The following CYP26B1 variants were observed in gnomAD, a reference collection of about 807,000 sequenced individuals.
CYP26B1 encodes the protein cytochrome P450 family 26 subfamily B member 1.
Under a neutral mutation model 39.1 loss-of-function variants are expected in CYP26B1, and 8 were observed. The observed-to-expected ratio is 0.20, with a 90% confidence interval of 0.12 to 0.37. CYP26B1 has a LOEUF of 0.37. CYP26B1 is among the 10% of genes least tolerant of loss of function. CYP26B1 has a pLI of 1.00. For synonymous variants in CYP26B1, 321 were observed against 314.3 expected, an observed-to-expected ratio of 1.02 and a Z score of -0.23; for missense variants, 615 against 707.0, an observed-to-expected ratio of 0.87 and a Z score of 1.48.
At chr2:72,133,452 T>A in intron 4 of CYP26B1, 145 bp from the exon 5 acceptor site, 1 of 1,101,084 alleles carries the variant, frequency 9.1e-7, no homozygotes, top group Non-Finnish European at 1.3e-6. Context: ...CCTCTGAGCT[T>A]CATGTTGCCG....
intron 1 of CYP26B1, 120 bp from the exon 2 acceptor site, chr2:72,144,333 T>C: frequency 6.8e-7 from 1 of 1,481,480 alleles, no homozygotes; most frequent in Non-Finnish European, 8.9e-7. Flanking sequence ...CCAAACACAC[T>C]CACACAGACG....
chr2:72,138,751 G>A (rs1676850923), intron 2 of CYP26B1, among the ~76,000 whole-genome samples: 1 of 152,094 alleles, frequency 6.6e-6, no homozygotes, highest in African/African-American at 2.4e-5. Flanking sequence ...AGGCAGGAGG[G>A]AGGAGGGCAC....
At chr2:72,143,941 C>A in intron 2 of CYP26B1, 48 bp downstream of exon 2, 1 of 1,606,870 alleles carries the variant, frequency 6.2e-7, no homozygotes, top group South Asian at 1.1e-5. Context: ...ACTCCTTGCC[C>A]CGAGGTGGGG....
chr2:72,131,223 T>C lies in CYP26B1; in HGVS notation c.*1004A>G, dbSNP rs1366563703. The C allele has an allele frequency of 6.6e-6, 1 of 152,408 alleles. No individual in the cohort carries two copies. Among genetic ancestry groups the C allele is most frequent in the African/African-American group, 2.4e-5 (1 of 41,408 alleles). The allele number at this position is 152,408 out of a possible 1,614,324, so 9.4% of individuals were successfully genotyped here. On this transcript the variant is annotated 3_prime_UTR_variant, in exon 6 of 6. Coordinates refer to ENST00000001146, the MANE Select transcript of CYP26B1 (RefSeq NM_019885.4). ...GGCCACATTCCATCTCCACCAGGGA[T>C]AAGGCAGAGGCACCGGACTTCAGTC...
rs769819021 is a variant in CYP26B1 at position 72,144,013 on chromosome 2, G to A, written c.405C>T (p.Gly135=). ...CCTTGCGCTTGTTGCGGTGGATGTCGCCAATGGAATTGGACACCGTGTTGG... is the reference window on the plus strand; with the variant it reads ...CCTTGCGCTTGTTGCGGTGGATGTCACCAATGGAATTGGACACCGTGTTGG... ...LGPNTVSNSI[G]DIHRNKRKVF... is the part of the protein sequence containing the mutation. Residue 135 remains glycine, a synonymous_variant, in exon 2 of 6, where the codon GGC becomes GGT. Transcript: ENST00000001146. 4 of 1,613,658 alleles carry A rather than the reference G, an allele frequency of 2.5e-6. No homozygotes were observed.
In CYP26B1 at chr2:72,144,313, CCT is replaced by C. The variant is rs747028874; in HGVS notation, c.205-102_205-101del. 2.0e-6 allele frequency: 3 copies of C among 1,514,444 alleles called. No homozygotes were observed. In the Admixed American group the frequency reaches 6.3e-5, roughly 32 times the overall value. 93.8% of individuals were successfully genotyped at this position (1,514,444 alleles called of 1,614,324 possible). A position where few individuals can be genotyped will look rare whatever the true frequency, so the allele number is the denominator to read the frequency against. Reference sequence around the variant, plus strand: ...CAACCCGGGGTACAGTCACCTGCCCCCTCTCCCCACCAAACACACTCACACAG... The same window carrying C: ...CAACCCGGGGTACAGTCACCTGCCCCCTCCCCACCAAACACACTCACACAG... On this transcript the variant is annotated intron_variant, in intron 1 of 5. Transcript: ENST00000001146.
intron 1 of CYP26B1, among the ~76,000 whole-genome samples, chr2:72,146,733 G>T (rs1426165426): frequency 6.6e-6 from 1 of 152,154 alleles, no homozygotes; most frequent in Non-Finnish European, 1.5e-5. Flanking sequence ...CTGCAGAGGC[G>T]CTCCGCTCCC....
intron 1 of CYP26B1, among the ~76,000 whole-genome samples, chr2:72,146,165 G>T (rs1039898406): frequency 6.6e-6 from 1 of 152,198 alleles, no homozygotes; most frequent in East Asian, 1.9e-4. Flanking sequence ...GGACCTGAGG[G>T]GGGGCAGAGA....
At chr2:72,132,642 G>A in intron 5 of CYP26B1, 23 bp from the exon 6 acceptor site, 3 of 1,579,350 alleles carry the variant, frequency 1.9e-6, no homozygotes, top group Non-Finnish European at 2.6e-6. Flanking sequence ...GGGGGCCGAG[G>A]AGTGGGTGGT....
In CYP26B1 at chr2:72,134,317, G is replaced by C. The variant is rs3768645; in HGVS notation, c.861+444C>G. ...CGGGATCCCCAGGGGCCTAGGGGGC[G>C]GGGGGGAGGGTGGGAGGGCATGCAA... On this transcript the variant is annotated intron_variant, in intron 4 of 5. Coordinates refer to ENST00000001146, the MANE Select transcript of CYP26B1 (RefSeq NM_019885.4). Among the ~76,000 whole-genome samples, 122 of 151,436 alleles carry C rather than the reference G, an allele frequency of 8.1e-4. 2 individuals are homozygous for C. In the East Asian group the frequency reaches 0.02, roughly 25 times the overall value.
At chr2:72,138,674 G>A (rs1048862650) in intron 2 of CYP26B1, among the ~76,000 whole-genome samples, 1 of 152,152 alleles carries the variant, frequency 6.6e-6, no homozygotes, top group African/African-American at 2.4e-5. Flanking sequence ...CCAGGGGAGA[G>A]CAAGGGCACT....
At chr2:72,143,378 G>C (rs185310370) in intron 2 of CYP26B1, among the ~76,000 whole-genome samples, 2 of 152,070 alleles carry the variant, frequency 1.3e-5, no homozygotes, top group Non-Finnish European at 2.9e-5. Flanking sequence ...TTTCGGGGGG[G>C]GGTGGGTGCG....
At chr2:72,142,759 GC>G (rs1328745040) in intron 2 of CYP26B1, among the ~76,000 whole-genome samples, 4 of 152,082 alleles carry the variant, frequency 2.6e-5, no homozygotes, top group Admixed American at 2.6e-4. Flanking sequence ...CTCTCCCGCC[GC>G]CCCCAGGCTG....
At chr2:72,134,502 A>G (rs940374420) in intron 4 of CYP26B1, among the ~76,000 whole-genome samples, 3 of 152,154 alleles carry the variant, frequency 2.0e-5, no homozygotes, top group African/African-American at 7.2e-5. Context: ...GGACTAGGAA[A>G]TGAACTGAGA....
At chr2:72,140,922 G>A (rs113680087) in intron 2 of CYP26B1, among the ~76,000 whole-genome samples, 15 of 152,304 alleles carry the variant, frequency 9.8e-5, no homozygotes, top group African/African-American at 3.4e-4. Flanking sequence ...CAGGTTCCCT[G>A]AGGGTATCTC....
At chr2:72,134,991 C>T in intron 3 of CYP26B1, 75 bp from the exon 4 acceptor site, 1 of 1,603,954 alleles carries the variant, frequency 6.2e-7, no homozygotes, top group Non-Finnish European at 8.5e-7. Flanking sequence ...AGGGACGACT[C>T]CAGCCTCCTC....
chr2:72,145,556 G>A (rs1239424809), intron 1 of CYP26B1, among the ~76,000 whole-genome samples: 2 of 152,186 alleles, frequency 1.3e-5, no homozygotes, highest in African/African-American at 4.8e-5. Context: ...GGGGTGGTGA[G>A]GCGAGGGTTT....
chr2:72,132,187 C>G lies in CYP26B1; in HGVS notation c.*40G>C. On this transcript the variant is annotated 3_prime_UTR_variant, in exon 6 of 6. Coordinates refer to ENST00000001146, the MANE Select transcript of CYP26B1 (RefSeq NM_019885.4). ...AGGTTTCTACCTCCCACAACCACCA[C>G]CCCGCTGCCTGGGCTGGGCTGAGGC... 1.3e-6 allele frequency: 2 copies of G among 1,577,074 alleles called. No homozygotes were observed. Among genetic ancestry groups the G allele is most frequent in the South Asian group, 2.3e-5 (2 of 85,992 alleles).
rs756077143 is a variant in CYP26B1 at position 72,132,576 on chromosome 2, C to T, written c.1190G>A (p.Arg397Gln). 1.9e-6 allele frequency: 3 copies of T among 1,611,480 alleles called. No individual in the cohort carries two copies. The highest frequency in any genetic ancestry group is 2.7e-5 in the African/African-American group (2 of 74,882). Residue 397 changes from arginine (R) to glutamine (Q), a missense_variant, in exon 6 of 6, where the codon CGG (arginine) becomes CAG (glutamine). Transcript: ENST00000001146. The stretch of plus-strand genomic sequence containing the variant: ...CACGGGCGCTGTGTCATGGGTGTCC[C>T]GGATGCTATACATGACACTCCAGCC... ...PKGWSVMYSI[R>Q]DTHDTAPVFK... is the part of the protein sequence containing the mutation.
Sources: gnomAD v4.1 joint callset for allele counts (sites outside exome capture counted in the v4.1 genomes callset) on GRCh38, gnomAD v4.1.1 for gene constraint, MANE v1.5 for transcripts, NCBI Gene and HGNC (gene_info 2026-07-23, HGNC 2026-07-21) for gene names.